OAS2: variants seen among roughly 807,000 people sequenced by gnomAD.
The protein encoded by OAS2 is 2'-5'-oligoadenylate synthase 2.
OAS2 carries 67 observed loss-of-function variants against 71.3 expected under a neutral mutation model. The ratio of observed to expected loss-of-function variants is 0.94; its 90% CI spans 0.77 to 1.15. OAS2 has a LOEUF of 1.15. Ranked by LOEUF, OAS2 falls within the 50% of genes most tolerant of loss-of-function variation. The pLI is 0.00. For synonymous variants in OAS2, 327 were observed against 321.8 expected (o/e 1.02, Z -0.17); for missense variants, 789 against 822.5 (o/e 0.96, Z 0.50).
chr12:112,978,526 G>A lies in OAS2; in HGVS notation c.-83G>A, dbSNP rs2044048913. The A allele has an allele frequency of 1.4e-5, 21 of 1,495,818 alleles. No homozygotes were observed. The highest frequency in any genetic ancestry group is 1.8e-5 in the Non-Finnish European group (20 of 1,081,178). The allele number at this position is 1,495,818 out of a possible 1,614,324, so 92.7% of individuals were successfully genotyped here. On this transcript the variant is annotated 5_prime_UTR_variant, in exon 1 of 10. Coordinates refer to ENST00000392583, the MANE Select transcript of OAS2 (RefSeq NM_002535.3). The surrounding 1 kb of genome is among the most constrained non-coding windows in gnomAD (Gnocchi z 4.2). ...GAGAGGCCTCTAGACTTCAGTTTCA[G>A]TTTCCTGGCTCTGGGCAGCAGCAAG...
At chr12:112,987,978 A>G in intron 2 of OAS2, 1 of 985,456 alleles carries the variant, frequency 1.0e-6, no homozygotes, top group South Asian at 4.7e-5. Flanking sequence ...TTAATAAAAG[A>G]TGGCTAGAGT....
At chr12:112,998,535 C>T (rs1271384977) in intron 5 of OAS2, 125 bp downstream of exon 5, 2 of 1,075,186 alleles carry the variant, frequency 1.9e-6, no homozygotes, top group Non-Finnish European at 1.3e-6. Flanking sequence ...AGTTCCACAA[C>T]ACAGATGGCT....
chr12:112,979,919 G>T (rs949965318), intron 1 of OAS2, among the ~76,000 whole-genome samples: 2 of 152,192 alleles, frequency 1.3e-5, no homozygotes, highest in African/African-American at 2.4e-5. Flanking sequence ...GGGACTCTTG[G>T]TGTGAAAGCT....
At chr12:112,998,064 A>G (rs2044251682) in intron 4 of OAS2, among the ~76,000 whole-genome samples, 1 of 152,212 alleles carries the variant, frequency 6.6e-6, no homozygotes, top group Admixed American at 6.5e-5. Flanking sequence ...TTGTTATTTT[A>G]TTAATAGAAT....
At chr12:112,987,848 T>C in intron 2 of OAS2, 1 of 986,208 alleles carries the variant, frequency 1.0e-6, no homozygotes, top group African/African-American at 1.7e-5. Context: ...CTTGAGGGGG[T>C]GCCTTGAACC....
intron 5 of OAS2, among the ~76,000 whole-genome samples, chr12:113,001,894 G>A (rs2044293911): frequency 1.4e-5 from 2 of 143,152 alleles, no homozygotes; most frequent in Admixed American, 1.4e-4. Flanking sequence ...AAAAAGCTAG[G>A]CGTGGTGGCA....
At position 113,002,979 on chromosome 12, in the gene OAS2, C is replaced by T. The variant is rs751817154; in HGVS notation, c.1056C>T (p.Ile352=). 2 of 1,614,030 alleles carry T rather than the reference C, an allele frequency of 1.2e-6. No homozygotes were observed. Among genetic ancestry groups the T allele is most frequent in the Middle Eastern group, 3.3e-4 (2 of 6,084 alleles). Residue 352 remains isoleucine (I), a synonymous_variant, in exon 6 of 10, where the codon ATC becomes ATT. Transcript: ENST00000392583. ...TTPGHLLDKF[I]KEFLQPNKCF... is the part of the protein sequence containing the mutation. ...CAGGCCACCTTCTGGATAAGTTCATCAAGGAGTTTCTCCAGCCCAACAAAT... is the reference window on the plus strand; with the variant it reads ...CAGGCCACCTTCTGGATAAGTTCATTAAGGAGTTTCTCCAGCCCAACAAAT...
Position 113,007,906 on chromosome 12 carries a change from G to C in OAS2, c.1858G>C (p.Val620Leu). ...CAATTACAACTTTGAAGATGAGACCGTGAGGAAGTTTCTACTGAGCCAGTT... is the reference window on the plus strand; with the variant it reads ...CAATTACAACTTTGAAGATGAGACCCTGAGGAAGTTTCTACTGAGCCAGTT... ...KVNYNFEDETVRKFLLSQLQK... is the reference protein window; with the variant it reads ...KVNYNFEDETLRKFLLSQLQK... Residue 620 changes from valine to leucine, a missense_variant, in exon 9 of 10, where the codon GTG (valine) becomes CTG (leucine). By Grantham distance (32) the Val-to-Leu change is conservative. Transcript: ENST00000392583. The C allele has an allele frequency of 1.2e-6, 2 of 1,614,088 alleles. No individual in the cohort carries two copies. The highest frequency in any genetic ancestry group is 2.2e-5 in the South Asian group (2 of 91,084).
rs1357554600 is a variant in OAS2 at position 112,978,895 on chromosome 12, G to A, written c.177+110G>A. 7.4e-5 allele frequency: 76 copies of A among 1,029,632 alleles called. No individual in the cohort carries two copies. The highest frequency in any genetic ancestry group is 9.9e-5 in the Non-Finnish European group (71 of 714,036). The allele number at this position is 1,029,632 out of a possible 1,614,324, so 63.8% of individuals were successfully genotyped here. The stretch of plus-strand genomic sequence containing the variant: ...TATTATGTGCGAGGCCCACACTTGG[G>A]TGGGATGTGGTGTAGGAGTCTCAGG... On this transcript the variant is annotated intron_variant, in intron 1 of 9. Coordinates refer to ENST00000392583, the MANE Select transcript of OAS2 (RefSeq NM_002535.3). The surrounding 1 kb of genome is among the most constrained non-coding windows in gnomAD (Gnocchi z 4.2).
intron 1 of OAS2, among the ~76,000 whole-genome samples, chr12:112,980,597 C>A (rs1361056359): frequency 4.6e-5 from 7 of 152,142 alleles, no homozygotes; most frequent in African/African-American, 1.7e-4. Flanking sequence ...GAATAGTATT[C>A]TATTGTGTAT....
At chr12:113,002,818 G>A (rs1256747891) in intron 5 of OAS2, 114 bp from the exon 6 acceptor site, 71 of 844,930 alleles carry the variant, frequency 8.4e-5, no homozygotes, top group South Asian at 1.8e-4. Context: ...GCCAGCCCAC[G>A]AGCAGGAGGG....
chr12:112,985,566 T>C (rs925383027), intron 1 of OAS2, among the ~76,000 whole-genome samples: 24 of 152,230 alleles, frequency 1.6e-4, no homozygotes, highest in African/African-American at 4.1e-4. Flanking sequence ...ATTTTCCTGA[T>C]TTATTTGTAT....
intron 2 of OAS2, chr12:112,988,511 G>A: frequency 1.5e-6 from 1 of 650,528 alleles, no homozygotes; most frequent in Non-Finnish European, 1.9e-6. Flanking sequence ...TGGCACAAGA[G>A]TAGGTTGCAG....
At chr12:112,989,142 A>G (rs1201207937) in intron 2 of OAS2, among the ~76,000 whole-genome samples, 2 of 152,204 alleles carry the variant, frequency 1.3e-5, no homozygotes, top group Non-Finnish European at 2.9e-5. Context: ...TAATTGAATC[A>G]TGGAGGCAGG....
chr12:113,000,343 G>A (rs1042025466), intron 5 of OAS2, among the ~76,000 whole-genome samples: 7 of 152,114 alleles, frequency 4.6e-5, no homozygotes, highest in African/African-American at 1.7e-4. Flanking sequence ...ACTCACTGTG[G>A]CTGTTTTTGT....
intron 1 of OAS2, among the ~76,000 whole-genome samples, chr12:112,981,691 T>C (rs2136374620): frequency 6.6e-6 from 1 of 152,306 alleles, no homozygotes; most frequent in Admixed American, 6.5e-5. Flanking sequence ...ATTTGGCTAT[T>C]TGAGATCTTT....
chr12:112,988,477 TTTGA>T (rs554551973), intron 2 of OAS2: 120 of 478,356 alleles, frequency 2.5e-4, no homozygotes, highest in African/African-American at 2.2e-3. Flanking sequence ...GTTGGCCACC[TTTGA>T]TTGGCCGAAA....
intron 8 of OAS2, among the ~76,000 whole-genome samples, chr12:113,006,832 C>G (rs970631088): frequency 9.9e-5 from 15 of 152,208 alleles, no homozygotes; most frequent in African/African-American, 3.4e-4. Context: ...CTCACACTGG[C>G]CAAAGAATTC....
At chr12:112,981,517 G>C (rs2044082380) in intron 1 of OAS2, among the ~76,000 whole-genome samples, 3 of 152,100 alleles carry the variant, frequency 2.0e-5, no homozygotes, top group Middle Eastern at 6.8e-3. Flanking sequence ...TCAATCAGTT[G>C]GCTGTAAATT....
Sources: allele counts gnomAD v4.1 joint callset (sites outside exome capture counted in the v4.1 genomes callset), GRCh38; gene constraint gnomAD v4.1.1; non-coding constraint Gnocchi (gnomAD v3.1); transcripts MANE v1.5; gene names NCBI Gene and HGNC (gene_info 2026-07-23, HGNC 2026-07-21).